ZNF799: variants seen among roughly 807,000 people sequenced by gnomAD.
The protein encoded by ZNF799 is zinc finger protein 14.
ZNF799 carries 28 observed loss-of-function variants against 41.0 expected under a neutral mutation model. The ratio of observed to expected loss-of-function variants is 0.68; its 90% CI spans 0.51 to 0.94. ZNF799 has a LOEUF of 0.94. ZNF799 is among the 40% of genes least tolerant of loss of function. The probability of loss-of-function intolerance (pLI) is 0.00; values close to 1 mark genes in which losing one functional copy is unlikely to be tolerated. For synonymous variants in ZNF799, 213 were observed against 252.9 expected, an observed-to-expected ratio of 0.84 and a Z score of 1.50; for missense variants, 716 against 764.3, an observed-to-expected ratio of 0.94 and a Z score of 0.74.
chr19:12,407,740 G>A, the ZNF799 span, among the ~76,000 whole-genome samples: 1 of 152,124 alleles, frequency 6.6e-6, no homozygotes, highest in African/African-American at 2.4e-5. Flanking sequence ...GGATACGAGG[G>A]AGGAATTTGG....
At chr19:12,396,510 A>G (rs1969896066) in intron 1 of ZNF799, among the ~76,000 whole-genome samples, 2 of 152,070 alleles carry the variant, frequency 1.3e-5, no homozygotes, top group Non-Finnish European at 2.9e-5. Context: ...TTAGCTGGGC[A>G]TGGTGGTGCA....
Position 12,391,463 on chromosome 19 carries a change from T to G in ZNF799, c.935A>C (p.Gln312Pro). ...THTDEKPYAC[Q>P]QCGKAFHHLG... ...ATGATGAAACGCTTTCCCACATTGC[T>G]GACATGCATAGGGTTTCTCATCAGT... Residue 312 changes from glutamine to proline, a missense_variant, in exon 4 of 4, where the codon CAG becomes CCG. Gln to Pro is a moderately conservative substitution (Grantham distance 76). Around this residue, in one of 2 missense-constraint regions of ZNF799, gnomAD observed 698 missense variants for 713.6 expected, o/e 0.98. Coordinates refer to ENST00000430385, the MANE Select transcript of ZNF799 (RefSeq NM_001080821.3). 3 of 1,614,168 alleles carry G rather than the reference T, an allele frequency of 1.9e-6. No individual in the cohort carries two copies. The highest frequency in any genetic ancestry group is 2.5e-6 in the Non-Finnish European group (3 of 1,180,000).
chr19:12,391,094 G>C lies in ZNF799; in HGVS notation c.1304C>G (p.Ser435Cys). 1.2e-6 allele frequency: 2 copies of C among 1,614,150 alleles called. No individual in the cohort carries two copies. The highest frequency in any genetic ancestry group is 1.7e-6 in the Non-Finnish European group (2 of 1,180,004). The change falls in exon 4 of 4, where the codon TCT becomes TGT. Residue 435 changes from serine (S) to cysteine (C), a missense_variant. Ser to Cys is a moderately radical substitution (Grantham distance 112). Transcript: ENST00000430385. Reference sequence around the variant, plus strand: ...ATGAGTTGTTTCATGCCTTCGAAGAGAACTGGAAATACGGTAGGCTTTGCC... The same window carrying C: ...ATGAGTTGTTTCATGCCTTCGAAGACAACTGGAAATACGGTAGGCTTTGCC... ...QCGKAYRISS[S>C]LRRHETTHTG...
In ZNF799 at chr19:12,390,737, T is replaced by C; in HGVS notation, c.1661A>G (p.His554Arg). 5 of 1,614,090 alleles carry C rather than the reference T, an allele frequency of 3.1e-6. No homozygotes were observed. The highest frequency in any genetic ancestry group is 4.2e-6 in the Non-Finnish European group (5 of 1,179,982). ...ACACTCATAGGGTTTCTCTCTCATG[T>C]GAATTCTTTCATGTCGTAGAAAGCA... Reference protein sequence around the residue: ...LTCFLRHERIHMREKPYECQQ... With the variant: ...LTCFLRHERIRMREKPYECQQ... The change falls in exon 4 of 4, where the codon CAC (histidine) becomes CGC (arginine). Residue 554 changes from histidine (H) to arginine (R), a missense_variant. Physicochemically the swap from His to Arg is conservative, Grantham distance 29. This residue lies in a region of ZNF799 where 698 missense variants were observed against 713.6 expected (regional missense o/e 0.98). Transcript: ENST00000430385.
At chr19:12,400,111 G>A (rs1969953770) in intron 1 of ZNF799, among the ~76,000 whole-genome samples, 1 of 152,178 alleles carries the variant, frequency 6.6e-6, no homozygotes, top group Non-Finnish European at 1.5e-5. Context: ...GAGATTTGCT[G>A]CCAGCCCTAG....
the ZNF799 span, among the ~76,000 whole-genome samples, chr19:12,410,447 T>C: frequency 6.6e-6 from 1 of 151,794 alleles, no homozygotes; most frequent in Non-Finnish European, 1.5e-5. Flanking sequence ...GCGAAATGTT[T>C]GAAATGTAGC....
Position 12,393,288 on chromosome 19 carries a change from C to A in ZNF799, c.130+9G>T. On this transcript the variant is annotated intron_variant, in intron 2 of 3. Transcript: ENST00000430385. ...AATTAAATAAGTGGAAATGCGATGT[C>A]ATCCTTACCTACACAATCCAGGTTC... 2 of 944,620 alleles carry A rather than the reference C, an allele frequency of 2.1e-6. No individual in the cohort carries two copies. The highest frequency in any genetic ancestry group is 1.6e-6 in the Non-Finnish European group (1 of 607,996). 58.5% of individuals were successfully genotyped at this position (944,620 alleles called of 1,614,324 possible).
chr19:12,396,375 C>T (rs1483357074), intron 1 of ZNF799, among the ~76,000 whole-genome samples: 5 of 152,222 alleles, frequency 3.3e-5, no homozygotes, highest in Admixed American at 6.5e-5. Context: ...ATTAACTGGG[C>T]GTGGTGGCTC....
the ZNF799 span, among the ~76,000 whole-genome samples, chr19:12,410,277 A>C: frequency 1.2e-5 from 1 of 81,634 alleles, no homozygotes; most frequent in Non-Finnish European, 2.3e-5. Flanking sequence ...ATATATATAT[A>C]TATATATATA....
At chr19:12,397,293 C>G (rs371593920) in intron 1 of ZNF799, among the ~76,000 whole-genome samples, 2,437 of 144,326 alleles carry the variant, frequency 0.017, 27 homozygotes, top group African/African-American at 0.034. Context: ...CAGTGGCTCA[C>G]CCCTGTAATG....
the ZNF799 span, among the ~76,000 whole-genome samples, chr19:12,407,471 A>G: frequency 0.013 from 1,984 of 151,270 alleles, 38 homozygotes; most frequent in African/African-American, 0.043. Context: ...TAAAAAAAAA[A>G]AGAGAGAGAG....
the ZNF799 span, among the ~76,000 whole-genome samples, chr19:12,408,682 G>A: frequency 6.6e-6 from 1 of 152,156 alleles, no homozygotes. Flanking sequence ...ATGATAAAGT[G>A]CTCAATCCTA....
the ZNF799 span, among the ~76,000 whole-genome samples, chr19:12,411,715 C>A: frequency 2.6e-5 from 4 of 152,042 alleles, no homozygotes; most frequent in Non-Finnish European, 4.4e-5. Flanking sequence ...CAGGTTCAAG[C>A]AATTTTCCTG....
Position 12,394,716 on chromosome 19 carries a change from C to A in ZNF799, c.4-1293G>T, listed in dbSNP as rs1242888367. The A allele has an allele frequency of 9.1e-6, 9 of 985,218 alleles. 1 individual carries two copies. In the East Asian group the frequency reaches 1.0e-3, roughly 112 times the overall value. 61.0% of individuals were successfully genotyped at this position (985,218 alleles called of 1,614,324 possible). A position where few individuals can be genotyped will look rare whatever the true frequency, so the allele number is the denominator to read the frequency against. On this transcript the variant is annotated intron_variant, in intron 1 of 3. Coordinates refer to ENST00000430385, the MANE Select transcript of ZNF799 (RefSeq NM_001080821.3). ...TTAGAAAGAACTCAGTGTCATCTCT[C>A]ATGAATATTTATAATACTTACTAAG...
intron 1 of ZNF799, among the ~76,000 whole-genome samples, chr19:12,398,837 CATCTGAA>C (rs1482732655): frequency 6.6e-6 from 1 of 152,024 alleles, no homozygotes; most frequent in African/African-American, 2.4e-5. Flanking sequence ...CCTGAAATTC[CATCTGAA>C]ATCATCCAAA....
chr19:12,412,178 G>A, the ZNF799 span, among the ~76,000 whole-genome samples: 2 of 152,124 alleles, frequency 1.3e-5, no homozygotes, highest in Non-Finnish European at 2.9e-5. Flanking sequence ...TGGGGAACTT[G>A]CGCATACTTC....
At position 12,390,900 on chromosome 19, in the gene ZNF799, C is replaced by T; in HGVS notation, c.1498G>A (p.Gly500Arg). The change falls in exon 4 of 4, where the codon GGA becomes AGA. Residue 500 changes from glycine to arginine, a missense_variant. Physicochemically the swap from Gly to Arg is moderately radical, Grantham distance 125. This residue lies in a region of ZNF799 where 698 missense variants were observed against 713.6 expected (regional missense o/e 0.98). Transcript: ENST00000430385. ...GTGTTACACTCATAAGGTTTCTCTC[C>T]TGTGTGAGTCCTTCTATGTTGAGAA... The part of the protein sequence containing the change: ...YLSQHRRTHT[G>R]EKPYECNTCK... The T allele has an allele frequency of 1.9e-5, 31 of 1,613,884 alleles. No homozygotes were observed. Among genetic ancestry groups the T allele is most frequent in the Non-Finnish European group, 2.4e-5 (28 of 1,179,956 alleles).
rs1408880392 is a variant in ZNF799 at position 12,390,848 on chromosome 19, C to A, written c.1550G>T (p.Gly517Val). 3.1e-6 allele frequency: 5 copies of A among 1,613,842 alleles called. No individual in the cohort carries two copies. Among genetic ancestry groups the A allele is most frequent in the Non-Finnish European group, 4.2e-6 (5 of 1,179,976 alleles). Residue 517 changes from glycine to valine, a missense_variant, in exon 4 of 4, where the codon GGT (glycine) becomes GTT (valine). This residue lies in a region of ZNF799 where 698 missense variants were observed against 713.6 expected (regional missense o/e 0.98). Transcript: ENST00000430385. ...AATTCTTTCATGTACTTTTAAGTTA[C>A]CAAAATGACTGAAGGCTTTCTTACA... ...NTCKKAFSHF[G>V]NLKVHERIHS... is the part of the protein sequence containing the mutation.
Position 12,390,690 on chromosome 19 carries a change from T to C in ZNF799, c.1708A>G (p.Thr570Ala). ...TGTCCTTGAAGAAAACGGGAATGAG[T>C]GAAGGCTTTACCACATTGTTGACAC... ...YECQQCGKAF[T>A]HSRFLQGHEK... The change falls in exon 4 of 4, where the codon ACT (threonine) becomes GCT (alanine). Residue 570 changes from threonine (T) to alanine (A), a missense_variant. Thr to Ala is a moderately conservative substitution (Grantham distance 58). Around this residue, in one of 2 missense-constraint regions of ZNF799, gnomAD observed 698 missense variants for 713.6 expected, o/e 0.98. Coordinates refer to ENST00000430385, the MANE Select transcript of ZNF799 (RefSeq NM_001080821.3). The C allele has an allele frequency of 1.9e-6, 3 of 1,613,692 alleles. No homozygotes were observed. The highest frequency in any genetic ancestry group is 2.5e-6 in the Non-Finnish European group (3 of 1,179,808).
Sources: allele counts gnomAD v4.1 joint callset (sites outside exome capture counted in the v4.1 genomes callset), GRCh38; gene constraint gnomAD v4.1.1; regional missense constraint gnomAD v4.1.1; transcripts MANE v1.5; gene names NCBI Gene and HGNC (gene_info 2026-07-23, HGNC 2026-07-21).